KAT8: variants seen among roughly 807,000 people sequenced by gnomAD.
The protein encoded by KAT8 is histone acetyltransferase KAT8.
KAT8 carries 40 observed loss-of-function variants against 62.9 expected under a neutral mutation model. That is an observed-to-expected ratio of 0.64 (90% CI 0.49 to 0.83). The LOEUF (loss-of-function observed/expected upper bound fraction) is 0.83. Ranked by LOEUF, KAT8 falls within the 40% of genes least tolerant of loss-of-function variation. KAT8 has a pLI of 0.00. For missense variants in KAT8, 387 were observed against 614.8 expected (o/e 0.63, Z 3.92); for synonymous variants, 278 against 254.5 (o/e 1.09, Z -0.88).
chr16:31,130,617 C>T lies in KAT8; in HGVS notation c.1157+11C>T, dbSNP rs937279803. On this transcript the variant is annotated intron_variant, in intron 9 of 10. Transcript: ENST00000219797. ...CATCAAGGACCTCAGGTGAGGGGGC[C>T]TCCCGGGCCCTGGGGGCAGGACTTG... 83 of 1,613,576 alleles carry T rather than the reference C, an allele frequency of 5.1e-5. No homozygotes were observed. Among genetic ancestry groups the T allele is most frequent in the Non-Finnish European group, 6.6e-5 (78 of 1,179,768 alleles).
Position 31,130,623 on chromosome 16 carries a change from G to C in KAT8, c.1157+17G>C, listed in dbSNP as rs2057570350. On this transcript the variant is annotated intron_variant, in intron 9 of 10. Transcript: ENST00000219797. Reference sequence around the variant, plus strand: ...GGACCTCAGGTGAGGGGGCCTCCCGGGCCCTGGGGGCAGGACTTGCCCTGA... The same window carrying C: ...GGACCTCAGGTGAGGGGGCCTCCCGCGCCCTGGGGGCAGGACTTGCCCTGA... The C allele has an allele frequency of 3.1e-6, 5 of 1,613,262 alleles. No homozygotes were observed. In the South Asian group the frequency reaches 4.4e-5, roughly 14 times the overall value.
Position 31,131,332 on chromosome 16 carries a change from C to A in KAT8, c.*73C>A. On this transcript the variant is annotated 3_prime_UTR_variant, in exon 11 of 11. Coordinates refer to ENST00000219797, the MANE Select transcript of KAT8 (RefSeq NM_032188.3). ...GTAAATATGTATAGACCTGTTTTGTCATTTTTTTAATAAAGTCAGTTCTGG... is the reference window on the plus strand; with the variant it reads ...GTAAATATGTATAGACCTGTTTTGTAATTTTTTTAATAAAGTCAGTTCTGG... 6.4e-7 allele frequency: 1 copy of A among 1,557,684 alleles called. No individual in the cohort carries two copies. The highest frequency in any genetic ancestry group is 8.8e-7 in the Non-Finnish European group (1 of 1,138,290).
chr16:31,118,223 C>T (rs2143961360), intron 1 of KAT8: 2 of 254,964 alleles, frequency 7.8e-6, no homozygotes, highest in East Asian at 6.9e-5. Context: ...CTTGTCTCTG[C>T]GTCTTCTTTT....
At chr16:31,127,611 C>G (rs2057542583) in intron 5 of KAT8, among the ~76,000 whole-genome samples, 1 of 152,236 alleles carries the variant, frequency 6.6e-6, no homozygotes, top group East Asian at 1.9e-4. Flanking sequence ...CCCTTCAGGT[C>G]TTTTGCCAAG....
At chr16:31,126,986 C>T (rs534637037) in intron 3 of KAT8, 49 bp from the exon 4 acceptor site, 3 of 1,606,060 alleles carry the variant, frequency 1.9e-6, no homozygotes, top group African/African-American at 2.7e-5. Context: ...GAGGGACAGC[C>T]TGGTCACCAC....
intron 3 of KAT8, among the ~76,000 whole-genome samples, chr16:31,121,701 T>C (rs892041675): frequency 1.1e-4 from 17 of 152,218 alleles, no homozygotes; most frequent in Admixed American, 9.8e-4. Context: ...AGTGCATCCC[T>C]GTACCTGCCT....
At position 31,130,683 on chromosome 16, in the gene KAT8, A is replaced by G. The variant is rs1460889655; in HGVS notation, c.1158-63A>G. Reference sequence around the variant, plus strand: ...CGATCCTGCTTCCTCATACCCTGTCACCATCCTGGCCAGATCCCACAAGGG... The same window carrying G: ...CGATCCTGCTTCCTCATACCCTGTCGCCATCCTGGCCAGATCCCACAAGGG... On this transcript the variant is annotated intron_variant, in intron 9 of 10. Coordinates refer to ENST00000219797, the MANE Select transcript of KAT8 (RefSeq NM_032188.3). 1.9e-6 allele frequency: 3 copies of G among 1,610,430 alleles called. No homozygotes were observed. In the Admixed American group the frequency reaches 5.0e-5, roughly 27 times the overall value.
At chr16:31,122,071 A>G (rs1169118932) in intron 3 of KAT8, among the ~76,000 whole-genome samples, 1 of 152,206 alleles carries the variant, frequency 6.6e-6, no homozygotes, top group African/African-American at 2.4e-5. Context: ...TTCTAAATTT[A>G]TAAAAATCAG....
At chr16:31,130,246 C>T in intron 7 of KAT8, 21 bp from the exon 8 acceptor site, 2 of 1,613,964 alleles carry the variant, frequency 1.2e-6, no homozygotes, top group Admixed American at 1.7e-5. Context: ...CCCAGCGGCC[C>T]TGAGCACCTG....
chr16:31,129,554 C>T (rs1368908850), intron 6 of KAT8, among the ~76,000 whole-genome samples: 1 of 152,168 alleles, frequency 6.6e-6, no homozygotes, highest in African/African-American at 2.4e-5. Flanking sequence ...TTGTCCCCCT[C>T]CTGGAGTGCA....
intron 3 of KAT8, chr16:31,125,698 G>C (rs1042974790): frequency 1.3e-5 from 2 of 151,760 alleles, no homozygotes; most frequent in African/African-American, 4.8e-5. Flanking sequence ...ACAGTGCTTT[G>C]TGGAGGGGGT....
intron 6 of KAT8, among the ~76,000 whole-genome samples, chr16:31,128,797 C>T (rs1471916670): frequency 6.6e-6 from 1 of 152,256 alleles, no homozygotes; most frequent in African/African-American, 2.4e-5. Context: ...GAAATTTCCT[C>T]CTGAGAGAGC....
chr16:31,130,308 G>C lies in KAT8; in HGVS notation c.954G>C (p.Leu318=), dbSNP rs373960068. 2 of 1,614,086 alleles carry C rather than the reference G, an allele frequency of 1.2e-6. No individual in the cohort carries two copies. Among genetic ancestry groups the C allele is most frequent in the Non-Finnish European group, 1.7e-6 (2 of 1,180,032 alleles). ...SPDGNNVACI[L]TLPPYQRRGY... The stretch of plus-strand genomic sequence containing the variant: ...ATGGAAACAATGTGGCCTGCATCCT[G>C]ACCTTGCCCCCCTACCAACGCCGCG... Residue 318 remains leucine, a synonymous_variant, in exon 8 of 11, where the codon CTG becomes CTC. Coordinates refer to ENST00000219797, the MANE Select transcript of KAT8 (RefSeq NM_032188.3).
At chr16:31,122,132 T>C (rs1216873179) in intron 3 of KAT8, 3 of 152,238 alleles carry the variant, frequency 2.0e-5, no homozygotes, top group African/African-American at 7.2e-5. Flanking sequence ...CCCAGACATT[T>C]GTTACTTTCA....
chr16:31,121,964 T>G (rs1228123564), intron 3 of KAT8, among the ~76,000 whole-genome samples: 2 of 151,880 alleles, frequency 1.3e-5, no homozygotes, highest in African/African-American at 4.8e-5. Context: ...TTGCCCACAC[T>G]AGTCTCAAAC....
intron 6 of KAT8, among the ~76,000 whole-genome samples, chr16:31,128,692 G>A (rs1439415164): frequency 6.6e-6 from 1 of 152,232 alleles, no homozygotes; most frequent in African/African-American, 2.4e-5. Flanking sequence ...GAACCCAGAG[G>A]AGATTTTCTT....
In KAT8 at chr16:31,120,348, G is replaced by A. The variant is rs2143966454; in HGVS notation, c.296G>A (p.Arg99Gln). Residue 99 changes from arginine (R) to glutamine (Q), a missense_variant, in exon 3 of 11, where the codon CGG becomes CAG. Physicochemically the swap from Arg to Gln is conservative, Grantham distance 43. Around this residue, in one of 6 missense-constraint regions of KAT8, gnomAD observed 69 missense variants for 127.0 expected, o/e 0.54. Coordinates refer to ENST00000219797, the MANE Select transcript of KAT8 (RefSeq NM_032188.3). Reference sequence around the variant, plus strand: ...TGGCCCATACTTACAGTTAACCGGCGGCTGGACGAGTGGGTAGACAAGAAC... The same window carrying A: ...TGGCCCATACTTACAGTTAACCGGCAGCTGGACGAGTGGGTAGACAAGAAC... ...FYVHYVGFNR[R>Q]LDEWVDKNRL... 6.2e-7 allele frequency: 1 copy of A among 1,613,878 alleles called. No homozygotes were observed. Among genetic ancestry groups the A allele is most frequent in the Non-Finnish European group, 8.5e-7 (1 of 1,179,760 alleles).
In KAT8 at chr16:31,120,145, A is replaced by G. The variant is rs777242402; in HGVS notation, c.212-41A>G. The G allele has an allele frequency of 5.8e-6, 9 of 1,561,152 alleles. 1 individual carries two copies. In the South Asian group the frequency reaches 1.0e-4, roughly 17 times the overall value. The stretch of plus-strand genomic sequence containing the variant: ...CAGTGTGCAGGATTCCTTTTGTTCC[A>G]GCCTTACCTTCCTGATGACCCTAGC... On this transcript the variant is annotated intron_variant, in intron 1 of 10. Transcript: ENST00000219797.
rs1014990713 is a variant in KAT8, at chr16:31,126,983, A to G, written c.463-52A>G. On this transcript the variant is annotated intron_variant, in intron 3 of 10. Coordinates refer to ENST00000219797, the MANE Select transcript of KAT8 (RefSeq NM_032188.3). ...CCTTGTGGGTCCTGACGGGAGGGAC[A>G]GCCTGGTCACCACTTCTGTTCACCT... 5.6e-6 allele frequency: 9 copies of G among 1,602,934 alleles called. No individual in the cohort carries two copies. The South Asian group carries it at 6.6e-5, about 12-fold the overall frequency.
Sources: allele counts gnomAD v4.1 joint callset (sites outside exome capture counted in the v4.1 genomes callset), GRCh38; gene constraint gnomAD v4.1.1; regional missense constraint gnomAD v4.1.1; transcripts MANE v1.5; gene names NCBI Gene and HGNC (gene_info 2026-07-23, HGNC 2026-07-21).